Variants in TANGO6 observed in about 807,000 individuals in gnomAD.
The protein encoded by TANGO6 is transport and golgi organization 6 homolog, also known as transport and Golgi organization protein 6 homolog.
A neutral mutation model predicts 114.2 loss-of-function variants in TANGO6; 90 were observed. That is an observed-to-expected ratio of 0.79 (90% CI 0.66 to 0.94). The LOEUF is 0.94. Among genes scored for constraint, TANGO6 ranks in the 40% least tolerant of loss-of-function variants. The probability of loss-of-function intolerance (pLI) is 0.00; values close to 1 mark genes in which losing one functional copy is unlikely to be tolerated. For synonymous variants in TANGO6, 477 were observed against 509.8 expected (o/e 0.94, Z 0.87); for missense variants, 1,274 against 1,315.3 (o/e 0.97, Z 0.49).
At chr16:68,944,430 A>G (rs933245351) in intron 14 of TANGO6, among the ~76,000 whole-genome samples, 1 of 152,176 alleles carries the variant, frequency 6.6e-6, no homozygotes, top group Admixed American at 6.6e-5. Context: ...ACCTGGAGGA[A>G]AAATATCTCT....
chr16:68,984,486 T>C (rs1355921891), intron 15 of TANGO6, among the ~76,000 whole-genome samples: 5 of 152,074 alleles, frequency 3.3e-5, no homozygotes, highest in African/African-American at 1.2e-4. Flanking sequence ...GAAAAGTCTA[T>C]AGATTGAACT....
chr16:69,065,999 G>T (rs1434742477), intron 17 of TANGO6, among the ~76,000 whole-genome samples: 2 of 152,192 alleles, frequency 1.3e-5, no homozygotes, highest in Non-Finnish European at 2.9e-5. Flanking sequence ...AGACCTTGGA[G>T]TCTGGCCCCT....
chr16:68,981,090 G>A (rs1452880470), intron 15 of TANGO6, among the ~76,000 whole-genome samples: 1 of 151,674 alleles, frequency 6.6e-6, no homozygotes, highest in Non-Finnish European at 1.5e-5. Flanking sequence ...ATCTTAACAC[G>A]TTGTTAAATT....
At chr16:68,868,291 G>A (rs1476296146) in intron 4 of TANGO6, among the ~76,000 whole-genome samples, 1 of 151,960 alleles carries the variant, frequency 6.6e-6, no homozygotes, top group African/African-American at 2.4e-5. Flanking sequence ...TTAATGCTAA[G>A]CATGGTAGTA....
intron 7 of TANGO6, among the ~76,000 whole-genome samples, chr16:68,899,118 C>G (rs1015550374): frequency 6.6e-6 from 1 of 151,818 alleles, no homozygotes; most frequent in African/African-American, 2.4e-5. Flanking sequence ...ACTGAAAATA[C>G]AAAACATTAG....
chr16:68,870,188 G>A (rs930897823), intron 4 of TANGO6, among the ~76,000 whole-genome samples: 1 of 152,202 alleles, frequency 6.6e-6, no homozygotes. Flanking sequence ...TCATGGAAAT[G>A]GAGAGAAATG....
At chr16:69,013,855 G>A (rs928085854) in intron 15 of TANGO6, among the ~76,000 whole-genome samples, 3 of 151,924 alleles carry the variant, frequency 2.0e-5, no homozygotes, top group African/African-American at 2.4e-5. Flanking sequence ...ACAGAGTTTC[G>A]CTGTGTTGGC....
At position 68,907,459 on chromosome 16, in the gene TANGO6, G is replaced by A. The variant is rs764785407; in HGVS notation, c.1684G>A (p.Glu562Lys). 5.0e-6 allele frequency: 8 copies of A among 1,602,034 alleles called. No homozygotes were observed. Among genetic ancestry groups the A allele is most frequent in the Admixed American group, 1.8e-5 (1 of 55,874 alleles). ...GCATTGCAGTGATGAAGATGAAGAT[G>A]AAGCCCTGTACCAGAAGGTATCCTC... Reference protein sequence around the residue: ...KEAISDEDEDEALYQKVSSEQ... With the variant: ...KEAISDEDEDKALYQKVSSEQ... Residue 562 changes from glutamate (E) to lysine (K), a missense_variant, in exon 10 of 18, where the codon GAA (glutamate) becomes AAA (lysine). Glu to Lys is a moderately conservative substitution (Grantham distance 56). Transcript: ENST00000261778.
At chr16:68,949,548 G>A (rs1963450197) in intron 14 of TANGO6, among the ~76,000 whole-genome samples, 1 of 151,924 alleles carries the variant, frequency 6.6e-6, no homozygotes, top group South Asian at 2.1e-4. Flanking sequence ...TTGAACCCGG[G>A]AAGCAGAGGT....
chr16:68,974,278 T>G (rs1597043221), intron 15 of TANGO6, 110 bp downstream of exon 15: 8 of 1,307,318 alleles, frequency 6.1e-6, no homozygotes, highest in Non-Finnish European at 7.6e-6. Context: ...GAGGGTAGTT[T>G]GAGGGCTGGG....
At chr16:68,869,888 T>C (rs189682795) in intron 4 of TANGO6, among the ~76,000 whole-genome samples, 116 of 151,930 alleles carry the variant, frequency 7.6e-4, no homozygotes, top group African/African-American at 2.2e-3. Context: ...TCCACGTGGG[T>C]AGAGTAGTGA....
chr16:69,066,287 CATTT>C lies in TANGO6; in HGVS notation c.3109-17197_3109-17194del, dbSNP rs139729442. Among the ~76,000 whole-genome samples the C allele has an allele frequency of 5.5e-3, 833 of 151,984 alleles. 6 individuals are homozygous for C. Among genetic ancestry groups the C allele is most frequent in the African/African-American group, 0.018 (730 of 41,458 alleles). On this transcript the variant is annotated intron_variant, in intron 17 of 17. Transcript: ENST00000261778. Reference sequence around the variant, plus strand: ...TCCCCCTCCTATTCATTCATTCATTCATTTGTTTATTTATTTATTTATTTTGAGA... The same window carrying C: ...TCCCCCTCCTATTCATTCATTCATTCGTTTATTTATTTATTTATTTTGAGA...
chr16:68,963,290 T>G (rs998484190), intron 14 of TANGO6, among the ~76,000 whole-genome samples: 1 of 152,014 alleles, frequency 6.6e-6, no homozygotes, highest in Non-Finnish European at 1.5e-5. Context: ...CCTGGCTAAT[T>G]TGTGTATGTT....
At chr16:68,982,630 CTTTTTTTTTTTT>C (rs562523656) in intron 15 of TANGO6, among the ~76,000 whole-genome samples, 3 of 105,338 alleles carry the variant, frequency 2.8e-5, no homozygotes, top group Non-Finnish European at 5.5e-5. Flanking sequence ...ATGCCCTGGC[CTTTTTTTTTTTT>C]TTTTTTTTTT....
At chr16:68,874,391 C>T (rs1458468804) in intron 4 of TANGO6, among the ~76,000 whole-genome samples, 1 of 152,180 alleles carries the variant, frequency 6.6e-6, no homozygotes, top group Non-Finnish European at 1.5e-5. Context: ...GGATCAGTGT[C>T]CTGGGCTGCC....
rs56983779 is a variant in TANGO6, at chr16:69,063,808, C to CTTCTTCTTCTTCTTCTTCTTATTA, written c.3109-19675_3109-19674insCTTCTTCTTCTTCTTCTTATTATT. Among the ~76,000 whole-genome samples, 141 of 125,564 alleles carry CTTCTTCTTCTTCTTCTTCTTATTA rather than the reference C, an allele frequency of 1.1e-3. 1 individual carries two copies. The highest frequency in any genetic ancestry group is 4.3e-3 in the African/African-American group (131 of 30,628). 82.4% of individuals were successfully genotyped at this position (125,564 alleles called of 152,430 possible). On this transcript the variant is annotated intron_variant, in intron 17 of 17. Coordinates refer to ENST00000261778, the MANE Select transcript of TANGO6 (RefSeq NM_024562.2). The stretch of plus-strand genomic sequence containing the variant: ...TCTTCTTCTTCTTCTTCTTCTTCTT[C>CTTCTTCTTCTTCTTCTTCTTATTA]TTATTATTATTATTATTATTATTAT...
intron 15 of TANGO6, among the ~76,000 whole-genome samples, chr16:68,999,217 G>T (rs1046125481): frequency 1.3e-5 from 2 of 152,108 alleles, no homozygotes; most frequent in African/African-American, 4.8e-5. Context: ...GTCCAGCCAT[G>T]AATTCATCTG....
intron 17 of TANGO6, among the ~76,000 whole-genome samples, chr16:69,074,795 T>C (rs1960347208): frequency 7.5e-6 from 1 of 133,996 alleles, no homozygotes; most frequent in African/African-American, 2.9e-5. Context: ...CTGGTTCGAA[T>C]GCCTGTGTGT....
At chr16:68,906,711 T>C (rs537463398) in intron 9 of TANGO6, among the ~76,000 whole-genome samples, 3 of 152,100 alleles carry the variant, frequency 2.0e-5, no homozygotes, top group African/African-American at 7.2e-5. Flanking sequence ...AGCCTCCTAG[T>C]GCACTACAGG....
Sources: allele counts gnomAD v4.1 joint callset (sites outside exome capture counted in the v4.1 genomes callset), GRCh38; gene constraint gnomAD v4.1.1; transcripts MANE v1.5; gene names NCBI Gene and HGNC (gene_info 2026-07-23, HGNC 2026-07-21).